The following ANKRD26 variants were observed in gnomAD, a reference collection of about 807,000 sequenced individuals.
ANKRD26 encodes ankyrin repeat domain-containing protein 26.
In ANKRD26, 141 loss-of-function variants were observed where a neutral mutation model predicts 208.7. The ratio of observed to expected loss-of-function variants is 0.68; its 90% confidence interval spans 0.59 to 0.78. The LOEUF (loss-of-function observed/expected upper bound fraction) is 0.78. Ranked by LOEUF, ANKRD26 falls within the 30% of genes least tolerant of loss-of-function variation. The pLI, the probability that ANKRD26 is intolerant of heterozygous loss-of-function variation, is 0.00. For missense variants in ANKRD26, 1,889 were observed against 1,938.7 expected, an observed-to-expected ratio of 0.97 and a Z score of 0.48; for synonymous variants, 636 against 660.4, an observed-to-expected ratio of 0.96 and a Z score of 0.57.
chr10:27,050,037 A>G (rs1489471534), intron 16 of ANKRD26, among the ~76,000 whole-genome samples: 1 of 151,908 alleles, frequency 6.6e-6, no homozygotes, highest in Admixed American at 6.6e-5. Context: ...CCTGGCCAAC[A>G]TGGTGAAACC....
chr10:26,977,058 G>A (rs974706664), intron 5 of ANKRD26, among the ~76,000 whole-genome samples: 6 of 152,118 alleles, frequency 3.9e-5, no homozygotes, highest in African/African-American at 7.2e-5. Flanking sequence ...CGGAAACTTC[G>A]ATGCTTCAAG....
intron 32 of ANKRD26, among the ~76,000 whole-genome samples, chr10:27,009,301 C>A (rs78768787): frequency 6.6e-6 from 1 of 152,178 alleles, no homozygotes; most frequent in South Asian, 2.1e-4. Context: ...AAAGGGTCTT[C>A]TGTGTTGACA....
the ANKRD26 span, among the ~76,000 whole-genome samples, chr10:26,955,569 T>C: frequency 9.2e-3 from 1,407 of 152,248 alleles, 22 homozygotes; most frequent in African/African-American, 0.032. Context: ...GAAGACAGGG[T>C]ATGTGTCTTC....
chr10:27,098,985 T>C (rs1478427112), intron 1 of ANKRD26, among the ~76,000 whole-genome samples: 1 of 152,162 alleles, frequency 6.6e-6, no homozygotes, highest in African/African-American at 2.4e-5. Context: ...ATTGCCACTT[T>C]CTTTTCTTTC....
chr10:26,990,369 T>C (rs1345707296), downstream of ANKRD26, among the ~76,000 whole-genome samples: 1 of 152,056 alleles, frequency 6.6e-6, no homozygotes, highest in Non-Finnish European at 1.5e-5. Context: ...TAACCAAGTG[T>C]AGAAAAAAAG....
At chr10:26,988,642 T>C (rs1448279159), downstream of ANKRD26, among the ~76,000 whole-genome samples, 6 of 151,856 alleles carry the variant, frequency 4.0e-5, no homozygotes, top group Admixed American at 6.6e-5. Context: ...AAGAAGGCAC[T>C]GCAGATGCAC....
chr10:27,034,686 T>C (rs1395767018), intron 24 of ANKRD26, 110 bp downstream of exon 24: 1 of 677,868 alleles, frequency 1.5e-6, no homozygotes, highest in East Asian at 2.8e-5. Context: ...TCTAAACTGA[T>C]AGAGTAAATA....
intron 6 of ANKRD26, among the ~76,000 whole-genome samples, chr10:27,079,801 C>T (rs1378648409): frequency 1.3e-5 from 2 of 151,472 alleles, no homozygotes; most frequent in African/African-American, 2.4e-5. Context: ...TGCAGTGAGC[C>T]GAGATCATGC....
At chr10:27,043,051 G>A (rs1273818459) in intron 20 of ANKRD26, among the ~76,000 whole-genome samples, 2 of 149,988 alleles carry the variant, frequency 1.3e-5, no homozygotes, top group African/African-American at 4.9e-5. Flanking sequence ...CTTCTTAAAT[G>A]CGATACAAAA....
At chr10:27,023,968 T>C (rs1274831609) in intron 28 of ANKRD26, among the ~76,000 whole-genome samples, 1 of 59,048 alleles carries the variant, frequency 1.7e-5, no homozygotes, top group African/African-American at 3.9e-5. Flanking sequence ...TTTCATGATA[T>C]ATTTTATTAC....
intron 29 of ANKRD26, 126 bp from the exon 30 acceptor site, chr10:27,017,918 T>C: frequency 2.2e-6 from 2 of 928,410 alleles, no homozygotes; most frequent in Non-Finnish European, 3.2e-6. Context: ...CCATAAAAGA[T>C]TCTTCAAATG....
At chr10:27,011,437 T>A (rs1251250530) in intron 32 of ANKRD26, among the ~76,000 whole-genome samples, 4 of 152,204 alleles carry the variant, frequency 2.6e-5, no homozygotes, top group Non-Finnish European at 5.9e-5. Context: ...CCAGCTTTTG[T>A]AATTTGTTCC....
chr10:27,021,312 G>A (rs2053479371), intron 29 of ANKRD26, among the ~76,000 whole-genome samples: 1 of 152,210 alleles, frequency 6.6e-6, no homozygotes, highest in South Asian at 2.1e-4. Context: ...CCTGGTAGTA[G>A]AACGACTACA....
At chr10:27,032,915 A>C (rs2053920897) in intron 25 of ANKRD26, among the ~76,000 whole-genome samples, 1 of 150,952 alleles carries the variant, frequency 6.6e-6, no homozygotes, top group Admixed American at 6.6e-5. Context: ...ACTAAAAAAA[A>C]CCACAAAAAA....
chr10:27,073,042 C>A (rs1466314129), intron 9 of ANKRD26, among the ~76,000 whole-genome samples: 1 of 152,170 alleles, frequency 6.6e-6, no homozygotes, highest in African/African-American at 2.4e-5. Flanking sequence ...GCAGGATTCA[C>A]AGCAGCCAGG....
the ANKRD26 span, among the ~76,000 whole-genome samples, chr10:26,954,467 A>C: frequency 2.6e-5 from 4 of 152,170 alleles, no homozygotes; most frequent in Non-Finnish European, 5.9e-5. Context: ...AACATAAGCA[A>C]ACTTGTTTCT....
the ANKRD26 span, among the ~76,000 whole-genome samples, chr10:26,961,214 TAA>T: frequency 2.0e-3 from 281 of 139,716 alleles, 1 homozygote; most frequent in Non-Finnish European, 2.1e-3. Context: ...AGAATCCATC[TAA>T]AAAAAAAAAA....
chr10:27,027,234 G>A (rs1321660162), intron 27 of ANKRD26, among the ~76,000 whole-genome samples: 1 of 152,124 alleles, frequency 6.6e-6, no homozygotes, highest in Non-Finnish European at 1.5e-5. Flanking sequence ...AATCCAAAGA[G>A]AAAAACACAT....
At chr10:27,057,062 T>C (rs890142850) in intron 15 of ANKRD26, among the ~76,000 whole-genome samples, 3 of 152,202 alleles carry the variant, frequency 2.0e-5, no homozygotes, top group Non-Finnish European at 4.4e-5. Flanking sequence ...AAGTCCCAGG[T>C]CTTTGGCAAG....
Sources: gnomAD v4.1 joint callset for allele counts (sites outside exome capture counted in the v4.1 genomes callset) on GRCh38, gnomAD v4.1.1 for gene constraint, MANE v1.5 for transcripts, NCBI Gene and HGNC (gene_info 2026-07-23, HGNC 2026-07-21) for gene names.